DHRS7: variants seen among roughly 807,000 people sequenced by gnomAD.
The protein encoded by DHRS7 is dehydrogenase/reductase SDR family member 7.
A neutral mutation model predicts 38.9 loss-of-function variants in DHRS7; 34 were observed. That is an observed-to-expected ratio of 0.87 (90% CI 0.66 to 1.16). The LOEUF (loss-of-function observed/expected upper bound fraction) is 1.16. Ranked by LOEUF, DHRS7 falls within the 50% of genes most tolerant of loss-of-function variation. DHRS7 has a pLI of 0.00. For synonymous variants in DHRS7, 158 were observed against 153.1 expected, an observed-to-expected ratio of 1.03 and a Z score of -0.24; for missense variants, 421 against 407.0, an observed-to-expected ratio of 1.03 and a Z score of -0.30.
chr14:60,147,669 A>C (rs1049023209), intron 6 of DHRS7: 2 of 152,184 alleles, frequency 1.3e-5, no homozygotes, highest in Non-Finnish European at 2.9e-5. Context: ...AATTCCCATA[A>C]CAATCCTGTG....
Position 60,145,097 on chromosome 14 carries a change from A to C in DHRS7, c.973-84T>G, listed in dbSNP as rs980778037. On this transcript the variant is annotated intron_variant, in intron 6 of 6. Coordinates refer to ENST00000557185, the MANE Select transcript of DHRS7 (RefSeq NM_016029.4). The surrounding 1 kb of genome is among the most constrained non-coding windows in gnomAD (Gnocchi z 4.0). ...ACATTTAAGTCCTTCTGTTTTGAGG[A>C]GCTGTATCATTATGATTCACTATTA... is the stretch of plus-strand genomic sequence containing the variant. The C allele has an allele frequency of 2.8e-5, 25 of 905,780 alleles. No individual in the cohort carries two copies. Among genetic ancestry groups the C allele is most frequent in the Non-Finnish European group, 4.0e-5 (25 of 621,906 alleles). 56.1% of individuals were successfully genotyped at this position (905,780 alleles called of 1,614,324 possible). A position where few individuals can be genotyped will look rare whatever the true frequency, so the allele number is the denominator to read the frequency against.
At chr14:60,165,735 A>C (rs1214924404), upstream of DHRS7, 5 of 945,404 alleles carry the variant, frequency 5.3e-6, no homozygotes, top group Non-Finnish European at 6.3e-6. The surrounding 1 kb of genome is among the most constrained non-coding windows in gnomAD (Gnocchi z 4.6). Context: ...AGATAGAATC[A>C]TTCTTGCTTG....
rs1268227201 is a variant in DHRS7 at position 60,156,126 on chromosome 14, A to C, written c.160T>G (p.Trp54Gly). ...ATTCCACTCGAGGCTCCAGTCACCC[A>C]CACCACCATATCAGTCAGCTCCCAT... Reference protein sequence around the residue: ...PEWELTDMVVWVTGASSGIGE... With the variant: ...PEWELTDMVVGVTGASSGIGE... The change falls in exon 2 of 7, where the codon TGG becomes GGG. Residue 54 changes from tryptophan to glycine, a missense_variant. Trp to Gly is a radical substitution (Grantham distance 184). Transcript: ENST00000557185. 1 of 1,599,420 alleles carries C rather than the reference A, an allele frequency of 6.3e-7. No individual in the cohort carries two copies. Among genetic ancestry groups the C allele is most frequent in the Non-Finnish European group, 8.5e-7 (1 of 1,172,776 alleles).
At chr14:60,166,824 C>A (rs950538226), upstream of DHRS7, among the ~76,000 whole-genome samples, 1 of 152,134 alleles carries the variant, frequency 6.6e-6, no homozygotes, top group Non-Finnish European at 1.5e-5. Flanking sequence ...AATAAAGTAG[C>A]AAATCTGATG....
intron 6 of DHRS7, chr14:60,149,141 T>G: frequency 7.5e-6 from 4 of 532,782 alleles, no homozygotes; most frequent in East Asian, 3.4e-5. Flanking sequence ...CCCAGCTACT[T>G]TTTGTATTTT....
At chr14:60,156,179 A>G in intron 1 of DHRS7, 27 bp from the exon 2 acceptor site, 1 of 1,516,212 alleles carries the variant, frequency 6.6e-7, no homozygotes, top group Non-Finnish European at 8.8e-7. Flanking sequence ...AATGGAAGGA[A>G]GAAAATAAGC....
chr14:60,151,172 C>A (rs1227840618), intron 4 of DHRS7, among the ~76,000 whole-genome samples: 1 of 149,630 alleles, frequency 6.7e-6, no homozygotes, highest in African/African-American at 2.5e-5. Context: ...AAACATTTAT[C>A]TTTTTGGGTA....
intron 1 of DHRS7, among the ~76,000 whole-genome samples, chr14:60,160,067 T>C (rs1432446926): frequency 6.6e-6 from 1 of 152,230 alleles, no homozygotes; most frequent in Non-Finnish European, 1.5e-5. Context: ...GGCTCACGCC[T>C]GTAATCCCAG....
rs768212782 is a variant in DHRS7 at position 60,154,071 on chromosome 14, TAAAG to T, written c.287-10_287-7del. On this transcript the variant is annotated splice_polypyrimidine_tract_variant and splice_region_variant and intron_variant, in intron 2 of 6. Transcript: ENST00000557185. ...TTCTTTTAAATTGCCATTCTCTAAA[TAAAG>T]ACAAAAATTTGTGTGGAAGTCATGC... 52 of 1,611,266 alleles carry T rather than the reference TAAAG, an allele frequency of 3.2e-5. No individual in the cohort carries two copies. The highest frequency in any genetic ancestry group is 1.6e-4 in the Middle Eastern group (1 of 6,070).
chr14:60,149,086 C>T, intron 6 of DHRS7: 1 of 425,420 alleles, frequency 2.4e-6, no homozygotes, highest in Non-Finnish European at 4.3e-6. Context: ...AATTCTCATG[C>T]CTCAGCCTCC....
chr14:60,156,218 A>AG (rs1896657745), intron 1 of DHRS7, 66 bp from the exon 2 acceptor site: 2 of 1,344,098 alleles, frequency 1.5e-6, no homozygotes, highest in Admixed American at 5.8e-5. Context: ...ATCCAAGATT[A>AG]GAAAAAAAAA....
intron 4 of DHRS7, among the ~76,000 whole-genome samples, chr14:60,151,867 G>A (rs1434961872): frequency 6.6e-6 from 1 of 152,174 alleles, no homozygotes; most frequent in East Asian, 1.9e-4. Flanking sequence ...CAGCTCATCT[G>A]TGTTTACTGA....
At position 60,153,024 on chromosome 14, in the gene DHRS7, C is replaced by T. The variant is rs138251248; in HGVS notation, c.548G>A (p.Gly183Glu). 103 of 1,614,208 alleles carry T rather than the reference C, an allele frequency of 6.4e-5. No homozygotes were observed. The Middle Eastern group carries it at 8.2e-4, about 13-fold the overall frequency. Residue 183 changes from glycine to glutamate, a missense_variant, in exon 4 of 7, where the codon GGA becomes GAA. Transcript: ENST00000557185. This position sits in a 1 kb window ranked among gnomAD's most constrained non-coding sequence, Gnocchi z 4.4. ...GATGCTATTCACAGTAACAATCTTT[C>T]CTTGCTTCCTCTCGATCATGTGAGG... ...VLPHMIERKQGKIVTVNSILG... is the reference protein window; with the variant it reads ...VLPHMIERKQEKIVTVNSILG...
At chr14:60,168,723 A>G, upstream of DHRS7, 1 of 1,564,066 alleles carries the variant, frequency 6.4e-7, no homozygotes, top group Non-Finnish European at 8.7e-7. Flanking sequence ...AGCAGAGTGA[A>G]CAGAAATTTA....
rs146202238 is a variant in DHRS7 at position 60,146,612 on chromosome 14, A to C, written c.973-1599T>G. 58 of 152,348 alleles carry C rather than the reference A, an allele frequency of 3.8e-4. No individual in the cohort carries two copies. Among genetic ancestry groups the C allele is most frequent in the African/African-American group, 1.3e-3 (55 of 41,590 alleles). The allele number at this position is 152,348 out of a possible 1,614,324, so 9.4% of individuals were successfully genotyped here. ...TGTTCATTTTAGCATTATTCATAAT[A>C]GCCAAGATATGGAAACAACCTAAGT... On this transcript the variant is annotated intron_variant, in intron 6 of 6. Coordinates refer to ENST00000557185, the MANE Select transcript of DHRS7 (RefSeq NM_016029.4). This position sits in a 1 kb window ranked among gnomAD's most constrained non-coding sequence, Gnocchi z 4.9.
At chr14:60,149,323 A>G (rs1896480644) in intron 6 of DHRS7, 30 bp downstream of exon 6, 1 of 1,597,152 alleles carries the variant, frequency 6.3e-7, no homozygotes, top group African/African-American at 1.3e-5. Flanking sequence ...ATTGGTACAT[A>G]CTATTAAGAA....
chr14:60,168,292 A>G (rs575615475), upstream of DHRS7, among the ~76,000 whole-genome samples: 2 of 152,246 alleles, frequency 1.3e-5, no homozygotes, highest in East Asian at 3.9e-4. Context: ...TATAGCTCTC[A>G]TTCTCTCTCC....
At chr14:60,168,219 T>C (rs1896890452), upstream of DHRS7, among the ~76,000 whole-genome samples, 1 of 152,208 alleles carries the variant, frequency 6.6e-6, no homozygotes. Flanking sequence ...TATCAGTGCA[T>C]TGATATTTTG....
At chr14:60,164,490 A>G (rs539978740) in intron 1 of DHRS7, among the ~76,000 whole-genome samples, 2 of 152,192 alleles carry the variant, frequency 1.3e-5, no homozygotes, top group Non-Finnish European at 2.9e-5. Flanking sequence ...GAGTTGTTGT[A>G]AAAGTTAAAT....
Sources: gnomAD v4.1 joint callset for allele counts (sites outside exome capture counted in the v4.1 genomes callset) on GRCh38, gnomAD v4.1.1 for gene constraint, Gnocchi (gnomAD v3.1) non-coding constraint, MANE v1.5 for transcripts, NCBI Gene and HGNC (gene_info 2026-07-23, HGNC 2026-07-21) for gene names.